Variants in IARS1 observed in about 807,000 individuals in gnomAD.
The protein encoded by IARS1 is isoleucine--tRNA ligase, cytoplasmic.
Under a neutral mutation model 168.2 loss-of-function variants are expected in IARS1, and 124 were observed. The ratio of observed to expected loss-of-function variants is 0.74; its 90% CI spans 0.64 to 0.86. IARS1 has a LOEUF of 0.86. Among genes scored for constraint, IARS1 ranks in the 40% least tolerant of loss-of-function variants. IARS1 has a pLI of 0.00. For missense variants in IARS1, 1,452 were observed against 1,515.8 expected, an observed-to-expected ratio of 0.96 and a Z score of 0.70; for synonymous variants, 532 against 529.4, an observed-to-expected ratio of 1.00 and a Z score of -0.07.
chr9:92,252,730 C>T (rs1830179184), intron 21 of IARS1, among the ~76,000 whole-genome samples: 1 of 128,142 alleles, frequency 7.8e-6, no homozygotes, highest in African/African-American at 3.1e-5. Flanking sequence ...TGCCACTGCA[C>T]TCCAGCCTGG....
At chr9:92,246,796 G>A (rs9409663) in intron 26 of IARS1, among the ~76,000 whole-genome samples, 18,462 of 152,098 alleles carry the variant, frequency 0.12, 1,296 homozygotes, top group South Asian at 0.24. Flanking sequence ...GATGTGAGCC[G>A]CTGGGATTAC....
intron 30 of IARS1, among the ~76,000 whole-genome samples, chr9:92,238,148 C>T (rs1333557501): frequency 2.6e-5 from 4 of 152,134 alleles, no homozygotes; most frequent in African/African-American, 4.8e-5. Flanking sequence ...TCAGGTGATC[C>T]GCCTGCCTTG....
At chr9:92,271,419 G>T in intron 11 of IARS1, 114 bp downstream of exon 11, 2 of 1,328,098 alleles carry the variant, frequency 1.5e-6, no homozygotes, top group Non-Finnish European at 2.1e-6. Flanking sequence ...GATTTCATGC[G>T]ATGACAAAAC....
chr9:92,288,062 T>C, intron 3 of IARS1, 64 bp downstream of exon 3: 2 of 1,547,330 alleles, frequency 1.3e-6, no homozygotes, highest in Admixed American at 1.9e-5. Context: ...GAACATATTA[T>C]ATGACAAAAT....
intron 33 of IARS1, among the ~76,000 whole-genome samples, chr9:92,215,002 C>G (rs1281484200): frequency 1.3e-5 from 2 of 152,356 alleles, no homozygotes; most frequent in South Asian, 2.1e-4. Context: ...GCAGTAACCT[C>G]TGCAGACTTA....
At chr9:92,253,723 C>G (rs1830335431) in intron 20 of IARS1, 1 of 510,498 alleles carries the variant, frequency 2.0e-6, no homozygotes, top group African/African-American at 1.9e-5. Context: ...GCCAAAAACT[C>G]CAGTATGTGT....
rs57075703 is a variant in IARS1, at chr9:92,292,181, CTT to C, written c.-8+1428_-8+1429del. Among the ~76,000 whole-genome samples, 555 of 117,990 alleles carry C rather than the reference CTT, an allele frequency of 4.7e-3. 8 individuals are homozygous for C. Among genetic ancestry groups the C allele is most frequent in the African/African-American group, 0.015 (468 of 31,544 alleles). 77.4% of individuals were successfully genotyped at this position (117,990 alleles called of 152,430 possible). A position where few individuals can be genotyped will look rare whatever the true frequency, so the allele number is the denominator to read the frequency against. The stretch of plus-strand genomic sequence containing the variant: ...TACAGGTGTGCACCACCACACTCAG[CTT>C]TTTTTTTTTTTTTTTTTGGTGGGGA... On this transcript the variant is annotated intron_variant, in intron 1 of 33. Transcript: ENST00000443024.
chr9:92,293,568 C>G (rs16908264), intron 1 of IARS1, 43 bp downstream of exon 1: 1 of 458,994 alleles, frequency 2.2e-6, no homozygotes, highest in Non-Finnish European at 4.5e-6. Context: ...GTGCGTGACC[C>G]TCGTCTTTGA....
intron 30 of IARS1, among the ~76,000 whole-genome samples, chr9:92,239,168 T>C (rs1827988162): frequency 1.3e-5 from 2 of 152,218 alleles, no homozygotes; most frequent in Admixed American, 1.3e-4. Flanking sequence ...TGTTTCTGGA[T>C]TCCCTCTTTC....
At chr9:92,284,239 C>A (rs150666832) in intron 6 of IARS1, among the ~76,000 whole-genome samples, 3,585 of 152,214 alleles carry the variant, frequency 0.024, 88 homozygotes, top group South Asian at 0.12. Flanking sequence ...ACAACGAATG[C>A]TAACATGGCA....
Position 92,249,923 on chromosome 9 carries a change from C to T in IARS1, c.2551G>A (p.Val851Met), listed in dbSNP as rs562858838. The change falls in exon 25 of 34, where the codon GTG becomes ATG. Residue 851 changes from valine to methionine, a missense_variant. Transcript: ENST00000443024. ...GCTTCTGGATCTTGATGGATAACCA[C>T]AATTTCTTTCAAAGGATACTAGGAG... ...IPIKYPLKEI[V>M]VIHQDPEALK... 1 of 1,603,052 alleles carries T rather than the reference C, an allele frequency of 6.2e-7. No individual in the cohort carries two copies. Among genetic ancestry groups the T allele is most frequent in the Admixed American group, 1.7e-5 (1 of 59,892 alleles).
In IARS1 at chr9:92,256,691, G is replaced by C. The variant is rs753975800; in HGVS notation, c.2126C>G (p.Thr709Ser). Residue 709 changes from threonine (T) to serine (S), a missense_variant, in exon 20 of 34, where the codon ACT (threonine) becomes AGT (serine). Coordinates refer to ENST00000443024, the MANE Select transcript of IARS1 (RefSeq NM_002161.6). ...CAAGAGAGACTCACCTGCCATTTCA[G>C]TCTCAAAGAAGCCAATGAGAGACTG... ...FMQSLIGFFE[T>S]EMAAYRLYTV... 1.9e-6 allele frequency: 3 copies of C among 1,613,590 alleles called. No individual in the cohort carries two copies. The highest frequency in any genetic ancestry group is 2.5e-6 in the Non-Finnish European group (3 of 1,179,664).
At chr9:92,261,782 A>G (rs1831567953) in intron 17 of IARS1, among the ~76,000 whole-genome samples, 1 of 150,614 alleles carries the variant, frequency 6.6e-6, no homozygotes, top group African/African-American at 2.4e-5. Context: ...ATGGAGCCTC[A>G]CTCTATTACC....
In IARS1 at chr9:92,283,465, G is replaced by A. The variant is rs142483509; in HGVS notation, c.597+2257C>T. Among the ~76,000 whole-genome samples, 1,118 of 152,206 alleles carry A rather than the reference G, an allele frequency of 7.3e-3. 12 individuals are homozygous for A. The highest frequency in any genetic ancestry group is 0.025 in the African/African-American group (1,039 of 41,530). On this transcript the variant is annotated intron_variant, in intron 6 of 33. Coordinates refer to ENST00000443024, the MANE Select transcript of IARS1 (RefSeq NM_002161.6). ...TCAAGACCAGCCTGGCCAACATGGC[G>A]AAACCCTGTCTCTACTAAAAATACA...
intron 31 of IARS1, among the ~76,000 whole-genome samples, chr9:92,225,179 T>A (rs1825475471): frequency 6.6e-6 from 1 of 152,238 alleles, no homozygotes; most frequent in Non-Finnish European, 1.5e-5. Context: ...CACACACTCC[T>A]TTTGGACAAG....
chr9:92,258,917 A>T lies in IARS1; in HGVS notation c.1953T>A (p.Asp651Glu). The change falls in exon 19 of 34, where the codon GAT (aspartate) becomes GAA (glutamate). Residue 651 changes from aspartate to glutamate, a missense_variant. By Grantham distance (45) the Asp-to-Glu change is conservative. Transcript: ENST00000443024. The part of the protein sequence containing the change: ...KEEGVRDVLK[D>E]VLLPWYNAYR... ...AGGCATTGTACCATGGGAGCAGTAC[A>T]TCCTTAAGGACGTCCCGCACACCCT... The T allele has an allele frequency of 1.2e-6, 2 of 1,613,974 alleles. No homozygotes were observed. The highest frequency in any genetic ancestry group is 2.2e-5 in the East Asian group (1 of 44,870).
At chr9:92,242,568 T>C in intron 28 of IARS1, 1 of 486,552 alleles carries the variant, frequency 2.1e-6, no homozygotes, top group Non-Finnish European at 3.6e-6. Flanking sequence ...GAACAATCAG[T>C]ACCTCATGAA....
At chr9:92,287,996 C>T in intron 3 of IARS1, 86 bp from the exon 4 acceptor site, 1 of 1,556,652 alleles carries the variant, frequency 6.4e-7, no homozygotes, top group Non-Finnish European at 8.8e-7. Flanking sequence ...ACAAATCAAA[C>T]TACAAATATT....
chr9:92,247,569 G>A lies in IARS1; in HGVS notation c.2617-18C>T, dbSNP rs765872339. 1.7e-5 allele frequency: 28 copies of A among 1,604,318 alleles called. No individual in the cohort carries two copies. Among genetic ancestry groups the A allele is most frequent in the Non-Finnish European group, 2.2e-5 (26 of 1,174,532 alleles). On this transcript the variant is annotated intron_variant, in intron 25 of 33. Coordinates refer to ENST00000443024, the MANE Select transcript of IARS1 (RefSeq NM_002161.6). The stretch of plus-strand genomic sequence containing the variant: ...TTGAGTTCCTACAGTTAATGCACAA[G>A]AGGAAACAAAAATGAGAAATGAAAA...
Sources: allele counts gnomAD v4.1 joint callset (sites outside exome capture counted in the v4.1 genomes callset), GRCh38; gene constraint gnomAD v4.1.1; transcripts MANE v1.5; gene names NCBI Gene and HGNC (gene_info 2026-07-23, HGNC 2026-07-21).